Variants in MYBPC3 observed in about 807,000 individuals in gnomAD.
The protein encoded by MYBPC3 is myosin binding protein C3, also known as myosin-binding protein C, cardiac-type.
MYBPC3 carries 108 observed loss-of-function variants against 159.3 expected under a neutral mutation model. The ratio of observed to expected loss-of-function variants is 0.68; its 90% CI spans 0.58 to 0.80. The LOEUF (loss-of-function observed/expected upper bound fraction) is 0.80. Ranked by LOEUF, MYBPC3 falls within the 30% of genes least tolerant of loss-of-function variation. MYBPC3 has a pLI of 0.00. For synonymous variants in MYBPC3, 730 were observed against 702.0 expected, an observed-to-expected ratio of 1.04 and a Z score of -0.63; for missense variants, 1,631 against 1,762.1, an observed-to-expected ratio of 0.93 and a Z score of 1.33.
Position 47,334,901 on chromosome 11 carries a change from C to T in MYBPC3, c.2905+141G>A, listed in dbSNP as rs1162362487. 25 of 1,055,522 alleles carry T rather than the reference C, an allele frequency of 2.4e-5. No homozygotes were observed. In the East Asian group the frequency reaches 5.1e-4, roughly 22 times the overall value. 65.4% of individuals were successfully genotyped at this position (1,055,522 alleles called of 1,614,324 possible). A position where few individuals can be genotyped will look rare whatever the true frequency, so the allele number is the denominator to read the frequency against. On this transcript the variant is annotated intron_variant, in intron 27 of 34. Coordinates refer to ENST00000545968, the MANE Select transcript of MYBPC3 (RefSeq NM_000256.3). ...TTTTTCCCTAGGCCTAGCGCATGGA[C>T]GATGGCTCCAACCCCTCCTGTCTCT...
chr11:47,340,565 G>A (rs1364731172), intron 20 of MYBPC3, among the ~76,000 whole-genome samples: 1 of 152,212 alleles, frequency 6.6e-6, no homozygotes, highest in African/African-American at 2.4e-5. Flanking sequence ...TACTCAGGAG[G>A]CTGAGGCAGG....
intron 5 of MYBPC3, 28 bp downstream of exon 5, chr11:47,349,746 C>T (rs373188689): frequency 7.5e-6 from 12 of 1,596,522 alleles, no homozygotes; most frequent in African/African-American, 1.3e-5. Context: ...CCCCTCTCTC[C>T]GTGTCTCCAC....
In MYBPC3 at chr11:47,334,918, C is replaced by T. The variant is rs2095880715; in HGVS notation, c.2905+124G>A. 1.4e-5 allele frequency: 17 copies of T among 1,181,808 alleles called. No individual in the cohort carries two copies. In the South Asian group the frequency reaches 4.2e-4, roughly 30 times the overall value. The allele number at this position is 1,181,808 out of a possible 1,614,324, so 73.2% of individuals were successfully genotyped here. A position where few individuals can be genotyped will look rare whatever the true frequency, so the allele number is the denominator to read the frequency against. ...CGCATGGACGATGGCTCCAACCCCT[C>T]CTGTCTCTGCCCAGCGTTCTGGGCA... On this transcript the variant is annotated intron_variant, in intron 27 of 34. Coordinates refer to ENST00000545968, the MANE Select transcript of MYBPC3 (RefSeq NM_000256.3).
At chr11:47,350,680 C>T in intron 2 of MYBPC3, 65 bp from the exon 3 acceptor site, 1 of 1,409,944 alleles carries the variant, frequency 7.1e-7, no homozygotes, top group Non-Finnish European at 9.2e-7. Flanking sequence ...CCCTCTCTCT[C>T]CTGAGCATTG....
At position 47,350,638 on chromosome 11, in the gene MYBPC3, C is replaced by T. The variant is rs1038616238; in HGVS notation, c.293-23G>A. 25 of 1,454,160 alleles carry T rather than the reference C, an allele frequency of 1.7e-5. 1 individual carries two copies. The highest frequency in any genetic ancestry group is 5.9e-5 in the South Asian group (4 of 67,872). The allele number at this position is 1,454,160 out of a possible 1,614,324, so 90.1% of individuals were successfully genotyped here. A position where few individuals can be genotyped will look rare whatever the true frequency, so the allele number is the denominator to read the frequency against. The stretch of plus-strand genomic sequence containing the variant: ...TCTCTGGAGGGGATCAGATGGGAGT[C>T]GTGGTGCAGCCACTAACCAGAGACC... On this transcript the variant is annotated intron_variant, in intron 2 of 34. Transcript: ENST00000545968.
chr11:47,332,831 A>G lies in MYBPC3; in HGVS notation c.3473T>C (p.Val1158Ala). 6.2e-7 allele frequency: 1 copy of G among 1,607,104 alleles called. No individual in the cohort carries two copies. The highest frequency in any genetic ancestry group is 8.5e-7 in the Non-Finnish European group (1 of 1,176,826). ...SDRAATTKEP[V>A]FIPRPGITYE... is the part of the protein sequence containing the mutation. ...TACAGCACCTGGTCTGGGGATAAAG[A>G]CGGGCTCCTTGGTGGTGGCCGCTCT... Residue 1158 changes from valine to alanine, a missense_variant, in exon 31 of 35, where the codon GTC (valine) becomes GCC (alanine). Val to Ala is a moderately conservative substitution (Grantham distance 64). Coordinates refer to ENST00000545968, the MANE Select transcript of MYBPC3 (RefSeq NM_000256.3). The surrounding 1 kb of genome is among the most constrained non-coding windows in gnomAD (Gnocchi z 4.2).
Position 47,352,637 on chromosome 11 carries a change from G to T in MYBPC3, c.11C>A (p.Pro4Gln). 6.3e-7 allele frequency: 1 copy of T among 1,594,834 alleles called. No individual in the cohort carries two copies. The change falls in exon 1 of 35, where the codon CCG becomes CAG. Residue 4 changes from proline to glutamine, a missense_variant. Transcript: ENST00000545968. ...CCTAAAGCTACCTGGCTTCTTCCCC[G>T]GCTCAGGCATCCTGAGAGACGTCAC... Reference protein sequence around the residue: MPEPGKKPVSAFSK... With the variant: MPEQGKKPVSAFSK...
intron 17 of MYBPC3, among the ~76,000 whole-genome samples, 192 bp from the exon 18 acceptor site, chr11:47,342,348 C>T (rs1279023134): frequency 6.6e-6 from 1 of 152,232 alleles, no homozygotes; most frequent in African/African-American, 2.4e-5. Context: ...CCTCAAGTGT[C>T]TGAGGGGTGG....
Position 47,337,696 on chromosome 11 carries a change from T to C in MYBPC3, c.2407A>G (p.Ile803Val). ...CCGGTGCCCTTGCACTCACCCAGGA[T>C]GGGCTGCCCGCCATCGTAGGCAGGC... ...EPPAYDGGQP[I>V]LGYILERKKK... is the part of the protein sequence containing the mutation. The change falls in exon 24 of 35, where the codon ATC becomes GTC. Residue 803 changes from isoleucine (I) to valine (V), a missense_variant. Ile to Val is a conservative substitution (Grantham distance 29). Transcript: ENST00000545968. 6.3e-7 allele frequency: 1 copy of C among 1,583,588 alleles called. No individual in the cohort carries two copies. Among genetic ancestry groups the C allele is most frequent in the South Asian group, 1.1e-5 (1 of 87,446 alleles).
rs1273611945 is a variant in MYBPC3 at position 47,351,561 on chromosome 11, C to T, written c.26-56G>A. ...CCTGGTTGGAGCGTGCACCCCGCCC[C>T]TGCAGCCCCTCTCAGTAAATACTGT... On this transcript the variant is annotated intron_variant, in intron 1 of 34. Coordinates refer to ENST00000545968, the MANE Select transcript of MYBPC3 (RefSeq NM_000256.3). This position sits in a 1 kb window ranked among gnomAD's most constrained non-coding sequence, Gnocchi z 4.2. 2.0e-6 allele frequency: 3 copies of T among 1,496,516 alleles called. No individual in the cohort carries two copies. Among genetic ancestry groups the T allele is most frequent in the Non-Finnish European group, 2.7e-6 (3 of 1,118,346 alleles). 92.7% of individuals were successfully genotyped at this position (1,496,516 alleles called of 1,614,324 possible).
At chr11:47,349,713 G>C in intron 5 of MYBPC3, 61 bp downstream of exon 5, 5 of 1,560,956 alleles carry the variant, frequency 3.2e-6, no homozygotes, top group Non-Finnish European at 4.3e-6. Context: ...TGTGTGCCTT[G>C]TGCCTTCTAG....
In MYBPC3 at chr11:47,346,484, T is replaced by C; in HGVS notation, c.927-114A>G. 3.5e-6 allele frequency: 5 copies of C among 1,449,046 alleles called. No individual in the cohort carries two copies. Among genetic ancestry groups the C allele is most frequent in the Non-Finnish European group, 4.6e-6 (5 of 1,086,668 alleles). The allele number at this position is 1,449,046 out of a possible 1,614,324, so 89.8% of individuals were successfully genotyped here. A position where few individuals can be genotyped will look rare whatever the true frequency, so the allele number is the denominator to read the frequency against. On this transcript the variant is annotated intron_variant, in intron 11 of 34. Coordinates refer to ENST00000545968, the MANE Select transcript of MYBPC3 (RefSeq NM_000256.3). This position sits in a 1 kb window ranked among gnomAD's most constrained non-coding sequence, Gnocchi z 5.3. ...CACCCCTGTCCCTCTGCCCCTTCCC[T>C]TCTGGTGGGGCAGCTGGAGCTGCTC... is the stretch of plus-strand genomic sequence containing the variant.
rs1316391683 is a variant in MYBPC3, at chr11:47,351,051, TG to T, written c.292+187del. 3.3e-5 allele frequency among the ~76,000 whole-genome samples: 5 copies of T among 152,088 alleles called. No homozygotes were observed. Among genetic ancestry groups the T allele is most frequent in the Non-Finnish European group, 7.4e-5 (5 of 67,998 alleles). ...ACCCCATGGCTGGAACAAGCCAGGA[TG>T]GCACATGGGGGTACTCAGAGAGGTC... On this transcript the variant is annotated intron_variant, in intron 2 of 34. Coordinates refer to ENST00000545968, the MANE Select transcript of MYBPC3 (RefSeq NM_000256.3). This position sits in a 1 kb window ranked among gnomAD's most constrained non-coding sequence, Gnocchi z 4.2.
In MYBPC3 at chr11:47,342,579, C is replaced by T. The variant is rs781764759; in HGVS notation, c.1623G>A (p.Gln541=). 1 of 1,596,228 alleles carries T rather than the reference C, an allele frequency of 6.3e-7. No individual in the cohort carries two copies. The highest frequency in any genetic ancestry group is 1.7e-5 in the Admixed American group (1 of 58,984). Residue 541 remains glutamine, a splice_region_variant and synonymous_variant, in exon 17 of 35, where the codon CAG becomes CAA. Transcript: ENST00000545968. ...ATGTGCCCCCCCAGCCAGGCTCACC[C>T]TGCACAATGAGCTCAGCCAGCGCCT... ...GGQALAELIV[Q]EKKLEVYQSI...
chr11:47,351,102 G>A lies in MYBPC3; in HGVS notation c.292+137C>T, dbSNP rs1339539843. The A allele has an allele frequency of 4.2e-5, 49 of 1,162,424 alleles. No individual in the cohort carries two copies. In the South Asian group the frequency reaches 4.9e-4, roughly 12 times the overall value. The allele number at this position is 1,162,424 out of a possible 1,614,324, so 72.0% of individuals were successfully genotyped here. ...CATGTGCAGAAAAGGGGGAAAGGGC[G>A]TTCCTGGCGGGGGGCACAGCCACAG... On this transcript the variant is annotated intron_variant, in intron 2 of 34. Transcript: ENST00000545968. The surrounding 1 kb of genome is among the most constrained non-coding windows in gnomAD (Gnocchi z 4.2).
At position 47,338,626 on chromosome 11, in the gene MYBPC3, G is replaced by A. The variant is rs780282339; in HGVS notation, c.2202C>T (p.Ser734=). 1 of 1,613,968 alleles carries A rather than the reference G, an allele frequency of 6.2e-7. No homozygotes were observed. The highest frequency in any genetic ancestry group is 1.1e-5 in the South Asian group (1 of 91,076). Residue 734 remains serine (S), a synonymous_variant, in exon 23 of 35, where the codon AGC becomes AGT. Coordinates refer to ENST00000545968, the MANE Select transcript of MYBPC3 (RefSeq NM_000256.3). The surrounding 1 kb of genome is among the most constrained non-coding windows in gnomAD (Gnocchi z 4.7). The part of the protein sequence containing the change: ...RVRVETTKDR[S]IFTVEGAEKE... The stretch of plus-strand genomic sequence containing the variant: ...TCTCTGCCCCCTCGACCGTGAAGAT[G>A]CTGCGGTCCTTGGTGGTCTCCACGC...
rs1462884291 is a variant in MYBPC3, at chr11:47,351,496, A to G, written c.35T>C (p.Phe12Ser). ...TTCCACTGACCGTGGCTTCTTGCTA[A>G]AAGCTGAGACTGAAGGGCCAGGTGG... ...PEPGKKPVSA[F>S]SKKPRSVEVA... Residue 12 changes from phenylalanine (F) to serine (S), a missense_variant, in exon 2 of 35, where the codon TTT becomes TCT. Transcript: ENST00000545968. The surrounding 1 kb of genome is among the most constrained non-coding windows in gnomAD (Gnocchi z 4.2). The G allele has an allele frequency of 1.9e-6, 3 of 1,588,210 alleles. No individual in the cohort carries two copies. Among genetic ancestry groups the G allele is most frequent in the Non-Finnish European group, 2.6e-6 (3 of 1,162,382 alleles).
At position 47,349,775 on chromosome 11, in the gene MYBPC3, T is replaced by C. The variant is rs730880707; in HGVS notation, c.653A>G (p.Lys218Arg). 1 of 1,604,308 alleles carries C rather than the reference T, an allele frequency of 6.2e-7. No homozygotes were observed. The highest frequency in any genetic ancestry group is 8.5e-7 in the Non-Finnish European group (1 of 1,179,604). ...TCTCCACGACCCCGGTGGACCCACC[T>C]TGCTGGCGCGGTCGTAGCTGTCGTG... ...QLHDSYDRAS[K>R]VYLFELHITD... Residue 218 changes from lysine (K) to arginine (R), a missense_variant and splice_region_variant, in exon 5 of 35, where the codon AAG (lysine) becomes AGG (arginine). By Grantham distance (26) the Lys-to-Arg change is conservative. Transcript: ENST00000545968.
In MYBPC3 at chr11:47,351,588, C is replaced by G; in HGVS notation, c.26-83G>C. 2 of 1,390,616 alleles carry G rather than the reference C, an allele frequency of 1.4e-6. No individual in the cohort carries two copies. Among genetic ancestry groups the G allele is most frequent in the Non-Finnish European group, 1.9e-6 (2 of 1,049,848 alleles). 86.1% of individuals were successfully genotyped at this position (1,390,616 alleles called of 1,614,324 possible). ...GCAGCCCCTCTCAGTAAATACTGTG[C>G]TAGCACTTTCTATGCATCCCCTCAC... On this transcript the variant is annotated intron_variant, in intron 1 of 34. Transcript: ENST00000545968. The surrounding 1 kb of genome is among the most constrained non-coding windows in gnomAD (Gnocchi z 4.2).
Sources: gnomAD v4.1 joint callset for allele counts (sites outside exome capture counted in the v4.1 genomes callset) on GRCh38, gnomAD v4.1.1 for gene constraint, Gnocchi (gnomAD v3.1) non-coding constraint, MANE v1.5 for transcripts, NCBI Gene and HGNC (gene_info 2026-07-23, HGNC 2026-07-21) for gene names.